Variants in CACNA1A observed in about 807,000 individuals in gnomAD.
CACNA1A encodes voltage-dependent P/Q-type calcium channel subunit alpha-1A.
In CACNA1A, 57 loss-of-function variants were observed where a neutral mutation model predicts 262.4. The observed-to-expected ratio is 0.22, with a 90% CI of 0.18 to 0.27. The LOEUF is 0.27. Among genes scored for constraint, CACNA1A ranks in the 10% least tolerant of loss-of-function variants. The probability of loss-of-function intolerance (pLI) is 1.00; values close to 1 mark genes in which losing one functional copy is unlikely to be tolerated. For missense variants in CACNA1A, 2,526 were observed against 3,562.8 expected, an observed-to-expected ratio of 0.71 and a Z score of 7.41; for synonymous variants, 1,431 against 1,419.3, an observed-to-expected ratio of 1.01 and a Z score of -0.18.
At chr19:13,353,245 A>G (rs1421486996) in intron 6 of CACNA1A, among the ~76,000 whole-genome samples, 1 of 151,426 alleles carries the variant, frequency 6.6e-6, no homozygotes, top group Non-Finnish European at 1.5e-5. Flanking sequence ...CAGCCTCCTG[A>G]GTAGCTGGGA....
intron 28 of CACNA1A, among the ~76,000 whole-genome samples, chr19:13,255,713 C>CCCTCCT (rs2056536214): frequency 8.4e-6 from 1 of 119,428 alleles, no homozygotes; most frequent in African/African-American, 3.6e-5. Flanking sequence ...CCTTCCCTCC[C>CCCTCCT]TCCCTCCTTC....
At chr19:13,220,166 C>G (rs2055171089) in intron 38 of CACNA1A, among the ~76,000 whole-genome samples, 1 of 151,860 alleles carries the variant, frequency 6.6e-6, no homozygotes, top group Non-Finnish European at 1.5e-5. Flanking sequence ...GAGGCTGAGG[C>G]AGGAGAATTG....
intron 3 of CACNA1A, among the ~76,000 whole-genome samples, chr19:13,445,228 T>C (rs2060788007): frequency 6.6e-6 from 1 of 152,168 alleles, no homozygotes; most frequent in African/African-American, 2.4e-5. Flanking sequence ...GTCTTTTCCT[T>C]GCCTCTGATC....
At chr19:13,235,816 G>GC (rs1416201416) in intron 31 of CACNA1A, 86 bp from the exon 32 acceptor site, 2 of 890,042 alleles carry the variant, frequency 2.2e-6, no homozygotes, top group East Asian at 4.9e-5. Flanking sequence ...CCTACATGAA[G>GC]CCAACCAACA....
At chr19:13,296,065 T>C (rs1008778383) in intron 19 of CACNA1A, among the ~76,000 whole-genome samples, 9 of 152,328 alleles carry the variant, frequency 5.9e-5, no homozygotes, top group Admixed American at 2.0e-4. Flanking sequence ...ATTTTGTGTA[T>C]GGTGTACATA....
intron 30 of CACNA1A, among the ~76,000 whole-genome samples, chr19:13,250,949 T>C (rs990958620): frequency 2.6e-5 from 4 of 151,080 alleles, no homozygotes; most frequent in African/African-American, 7.3e-5. Context: ...CTGGCCAACA[T>C]GGTGAAACCC....
In CACNA1A at chr19:13,444,082, T is replaced by G. The variant is rs536696532; in HGVS notation, c.539+8794A>C. 2.6e-5 allele frequency among the ~76,000 whole-genome samples: 4 copies of G among 152,270 alleles called. No homozygotes were observed. The South Asian group carries it at 8.3e-4, about 32-fold the overall frequency. ...GAAAATAGCTCCTGCTGCTAGGAAGTGATGTGGTTCCTGGTGAAACATGGT... is the reference window on the plus strand; with the variant it reads ...GAAAATAGCTCCTGCTGCTAGGAAGGGATGTGGTTCCTGGTGAAACATGGT... On this transcript the variant is annotated intron_variant, in intron 3 of 46. Coordinates refer to ENST00000360228, the MANE Select transcript of CACNA1A (RefSeq NM_001127222.2).
At chr19:13,393,663 TTTTC>T (rs1285456702) in intron 3 of CACNA1A, among the ~76,000 whole-genome samples, 30 of 148,194 alleles carry the variant, frequency 2.0e-4, no homozygotes, top group South Asian at 6.7e-4. Flanking sequence ...TGTCTTCCTC[TTTTC>T]TTTCTTTCTC....
intron 22 of CACNA1A, among the ~76,000 whole-genome samples, chr19:13,281,763 T>C (rs1247138587): frequency 6.6e-6 from 1 of 152,188 alleles, no homozygotes; most frequent in Non-Finnish European, 1.5e-5. Flanking sequence ...GTGTGAACGT[T>C]ATGGGGCCAC....
intron 3 of CACNA1A, among the ~76,000 whole-genome samples, chr19:13,433,292 C>CA (rs71170514): frequency 0.017 from 1,684 of 98,120 alleles, 41 homozygotes; most frequent in African/African-American, 0.051. Flanking sequence ...GACTCTGTCT[C>CA]AAAAAAAAAA....
chr19:13,404,036 G>A (rs1261737834), intron 3 of CACNA1A, among the ~76,000 whole-genome samples: 2 of 152,090 alleles, frequency 1.3e-5, no homozygotes, highest in Admixed American at 1.3e-4. Context: ...CCAGCTGTGT[G>A]ATCTTGGGGC....
At chr19:13,225,357 G>C (rs2055397537) in intron 37 of CACNA1A, 2 of 152,914 alleles carry the variant, frequency 1.3e-5, no homozygotes, top group Non-Finnish European at 2.9e-5. Flanking sequence ...ACACAGAACA[G>C]CACAGACAGG....
At chr19:13,307,132 T>C (rs1018205740) in intron 15 of CACNA1A, 3 of 152,076 alleles carry the variant, frequency 2.0e-5, no homozygotes, top group East Asian at 3.9e-4. Flanking sequence ...TAATTATTAT[T>C]ATTATTTTTT....
intron 3 of CACNA1A, among the ~76,000 whole-genome samples, chr19:13,438,434 A>G (rs1380893345): frequency 1.3e-5 from 2 of 152,254 alleles, no homozygotes; most frequent in Non-Finnish European, 2.9e-5. Context: ...CATTGCTGCC[A>G]CGTGAACTAG....
chr19:13,480,874 C>T (rs1000758833), intron 1 of CACNA1A, among the ~76,000 whole-genome samples: 2 of 152,166 alleles, frequency 1.3e-5, no homozygotes, highest in Non-Finnish European at 2.9e-5. Flanking sequence ...GCTTTTCTGC[C>T]TATGCTCTTG....
chr19:13,245,384 A>G, intron 30 of CACNA1A, 119 bp from the exon 31 acceptor site: 1 of 767,854 alleles, frequency 1.3e-6, no homozygotes, highest in Non-Finnish European at 2.3e-6. Flanking sequence ...CGGGACAGTT[A>G]TGGTTGTTCG....
chr19:13,347,059 G>GTTTTT (rs1207564258), intron 6 of CACNA1A, among the ~76,000 whole-genome samples: 4 of 58,428 alleles, frequency 6.8e-5, no homozygotes, highest in African/African-American at 1.0e-4. Flanking sequence ...TGTTTTTTTT[G>GTTTTT]TTTTTTTGTT....
chr19:13,406,584 C>T (rs1390068092), intron 3 of CACNA1A, among the ~76,000 whole-genome samples: 1 of 142,008 alleles, frequency 7.0e-6, no homozygotes, highest in Non-Finnish European at 1.5e-5. Flanking sequence ...GAGGCTGGTG[C>T]ATTCAGTGTC....
At chr19:13,255,290 C>T (rs1394313396) in intron 28 of CACNA1A, 31 bp from the exon 29 acceptor site, 2 of 1,551,544 alleles carry the variant, frequency 1.3e-6, no homozygotes, top group African/African-American at 1.4e-5. Flanking sequence ...GTGAGAGCGG[C>T]AGAGGCAGGA....
Sources: gnomAD v4.1 joint callset for allele counts (sites outside exome capture counted in the v4.1 genomes callset) on GRCh38, gnomAD v4.1.1 for gene constraint, MANE v1.5 for transcripts, NCBI Gene and HGNC (gene_info 2026-07-23, HGNC 2026-07-21) for gene names.